Variants in TNXB observed in about 807,000 individuals in gnomAD.
TNXB encodes tenascin-X.
TNXB carries 183 observed loss-of-function variants against 340.5 expected under a neutral mutation model. The observed-to-expected ratio is 0.54, with a 90% CI of 0.48 to 0.61. The LOEUF is 0.61. Among genes scored for constraint, TNXB ranks in the 20% least tolerant of loss-of-function variants. The pLI is 0.00. For missense variants in TNXB, 4,613 were observed against 5,446.4 expected (o/e 0.85, Z 4.82); for synonymous variants, 2,121 against 2,314.5 (o/e 0.92, Z 2.40).
Position 32,052,461 on chromosome 6 carries a change from A to AAAAG in TNXB, c.9115+205_9115+208dup, listed in dbSNP as rs925796794. ...GCGAGACTCTATCTCAAAAAAAAAA[A>AAAAG]AAAGAAAGAAAGAAAAAGAAAGAAA... On this transcript the variant is annotated intron_variant, in intron 26 of 43. Coordinates refer to ENST00000644971, the MANE Select transcript of TNXB (RefSeq NM_001365276.2). This position sits in a 1 kb window ranked among gnomAD's most constrained non-coding sequence, Gnocchi z 4.7. 6.6e-6 allele frequency among the ~76,000 whole-genome samples: 1 copy of AAAAG among 151,964 alleles called. No homozygotes were observed. The highest frequency in any genetic ancestry group is 6.6e-5 in the Admixed American group (1 of 15,252).
intron 1 of TNXB, among the ~76,000 whole-genome samples, chr6:32,106,971 A>T (rs1781014654): frequency 6.6e-6 from 1 of 152,236 alleles, no homozygotes; most frequent in African/African-American, 2.4e-5. Flanking sequence ...GTAGGTACAC[A>T]TATGGGTGCC....
chr6:32,069,593 G>A lies in TNXB; in HGVS notation c.5547C>T (p.His1849=), dbSNP rs761764903. The A allele has an allele frequency of 6.3e-6, 10 of 1,595,364 alleles. No homozygotes were observed. The highest frequency in any genetic ancestry group is 1.7e-4 in the Middle Eastern group (1 of 6,012). Residue 1849 remains histidine, a synonymous_variant, in exon 15 of 44, where the codon CAC becomes CAT. Coordinates refer to ENST00000644971, the MANE Select transcript of TNXB (RefSeq NM_001365276.2). The surrounding 1 kb of genome is among the most constrained non-coding windows in gnomAD (Gnocchi z 6.2). The stretch of plus-strand genomic sequence containing the variant: ...CCGAGATGGGGCCCACACGCTTGCC[G>A]TGGTGCAGCCCGTAGAGCAGCAGCT... ...RYKLLLYGLH[H]GKRVGPISAV...
rs771400301 is a variant in TNXB at position 32,095,763 on chromosome 6, A to G, written c.2090T>C (p.Leu697Pro). The change falls in exon 3 of 44, where the codon CTG (leucine) becomes CCG (proline). Residue 697 changes from leucine to proline, a missense_variant. By Grantham distance (98) the Leu-to-Pro change is moderately conservative. Coordinates refer to ENST00000644971, the MANE Select transcript of TNXB (RefSeq NM_001365276.2). The part of the protein sequence containing the change: ...ACPGGCGPRE[L>P]CRAGQCVCVE... ...ACACACACACTGGCCTGCCCGGCAC[A>G]GTTCCCGGGGCCCGCAGCCTCCAGG... The G allele has an allele frequency of 1.2e-5, 20 of 1,613,746 alleles. No homozygotes were observed. The East Asian group carries it at 3.3e-4, about 27-fold the overall frequency.
rs770324675 is a variant in TNXB at position 32,083,096 on chromosome 6, G to GGC, written c.3446-772_3446-771dup. 1.3e-5 allele frequency among the ~76,000 whole-genome samples: 2 copies of GGC among 152,096 alleles called. No homozygotes were observed. Among genetic ancestry groups the GGC allele is most frequent in the Admixed American group, 6.5e-5 (1 of 15,280 alleles). On this transcript the variant is annotated intron_variant, in intron 8 of 43. Coordinates refer to ENST00000644971, the MANE Select transcript of TNXB (RefSeq NM_001365276.2). This position sits in a 1 kb window ranked among gnomAD's most constrained non-coding sequence, Gnocchi z 4.6. ...AGCAGCTCTCATGCAGGCCAGGGGT[G>GGC]GCCTTGCCATTGCTAAATTCTGTGG...
In TNXB at chr6:32,048,526, T is replaced by G; in HGVS notation, c.9882A>C (p.Val3294=). The change falls in exon 29 of 44, where the codon GTA becomes GTC. Residue 3294 remains valine, a synonymous_variant. Coordinates refer to ENST00000644971, the MANE Select transcript of TNXB (RefSeq NM_001365276.2). ...GCTGCCCCTGCGCGTCCCTGTACTGTACCAGGAAGGAGTCAAAGGGGCCCT... is the reference window on the plus strand; with the variant it reads ...GCTGCCCCTGCGCGTCCCTGTACTGGACCAGGAAGGAGTCAAAGGGGCCCT... ...VAQGPFDSFL[V]QYRDAQGQPQ... is the part of the protein sequence containing the mutation. 1 of 1,572,928 alleles carries G rather than the reference T, an allele frequency of 6.4e-7. No individual in the cohort carries two copies. Among genetic ancestry groups the G allele is most frequent in the Admixed American group, 1.7e-5 (1 of 57,698 alleles).
chr6:32,061,674 G>A lies in TNXB; in HGVS notation c.7215C>T (p.Ala2405=). 2 of 1,612,682 alleles carry A rather than the reference G, an allele frequency of 1.2e-6. No homozygotes were observed. The highest frequency in any genetic ancestry group is 1.7e-6 in the Non-Finnish European group (2 of 1,179,804). The change falls in exon 21 of 44, where the codon GCC becomes GCT. Residue 2405 remains alanine (A), a synonymous_variant. Transcript: ENST00000644971. The surrounding 1 kb of genome is among the most constrained non-coding windows in gnomAD (Gnocchi z 4.4). ...GGAGCGGCTCCTCAGGGGGCTCCGGGGCCTCCATGCTGGGTTCTGTGGGGC... is the reference window on the plus strand; with the variant it reads ...GGAGCGGCTCCTCAGGGGGCTCCGGAGCCTCCATGCTGGGTTCTGTGGGGC... The part of the protein sequence containing the change: ...TPSPTEPSME[A]PEPPEEPLLG...
chr6:32,062,860 C>A lies in TNXB; in HGVS notation c.6842-377G>T, dbSNP rs1056814518. 6.7e-6 allele frequency among the ~76,000 whole-genome samples: 1 copy of A among 149,148 alleles called. No individual in the cohort carries two copies. The highest frequency in any genetic ancestry group is 1.5e-5 in the Non-Finnish European group (1 of 67,470). ...CATGAGGTCAGGAGATTGAGACCAT[C>A]CTGGCTAACACTGTGAAACCCCGTC... On this transcript the variant is annotated intron_variant, in intron 19 of 43. Coordinates refer to ENST00000644971, the MANE Select transcript of TNXB (RefSeq NM_001365276.2). This position sits in a 1 kb window ranked among gnomAD's most constrained non-coding sequence, Gnocchi z 4.3.
At position 32,043,427 on chromosome 6, in the gene TNXB, G is replaced by C. The variant is rs2734313; in HGVS notation, c.11650+10C>G. ...AACAAGTCCCCTCCAGAGGCCTCAG[G>C]CCTGCTCACCCCCAGGGGCTGTGAC... On this transcript the variant is annotated intron_variant, in intron 36 of 43. Coordinates refer to ENST00000644971, the MANE Select transcript of TNXB (RefSeq NM_001365276.2). The C allele has an allele frequency of 0.45, 234,554 of 520,782 alleles. 54,348 individuals carry two copies. The highest frequency in any genetic ancestry group is 0.56 in the Admixed American group (17,845 of 31,668). The allele number at this position is 520,782 out of a possible 1,614,324, so 32.3% of individuals were successfully genotyped here.
Position 32,073,801 on chromosome 6 carries a change from C to T in TNXB, c.4527G>A (p.Lys1509=), listed in dbSNP as rs1353844534. The change falls in exon 12 of 44, where the codon AAG becomes AAA. Residue 1509 remains lysine, a synonymous_variant. Transcript: ENST00000644971. The surrounding 1 kb of genome is among the most constrained non-coding windows in gnomAD (Gnocchi z 4.6). ...CCACCTGGGGCTGCCCGTCCTTGTC[C>T]TTGTACTGGACTATGAAGGAGTCAA... The part of the protein sequence containing the change: ...GQFDSFIVQY[K]DKDGQPQVVP... 6.2e-7 allele frequency: 1 copy of T among 1,612,906 alleles called. No individual in the cohort carries two copies. The highest frequency in any genetic ancestry group is 1.7e-5 in the Admixed American group (1 of 59,928).
intron 4 of TNXB, among the ~76,000 whole-genome samples, chr6:32,094,249 A>C (rs1448993747): frequency 6.6e-6 from 1 of 152,040 alleles, no homozygotes; most frequent in Non-Finnish European, 1.5e-5. Context: ...CAAACCAAAA[A>C]AGATAACATT....
At position 32,079,440 on chromosome 6, in the gene TNXB, C is replaced by A. The variant is rs1013971267; in HGVS notation, c.4043-75G>T. 2.3e-5 allele frequency: 29 copies of A among 1,264,476 alleles called. No homozygotes were observed. Among genetic ancestry groups the A allele is most frequent in the Non-Finnish European group, 3.1e-5 (28 of 916,744 alleles). 78.3% of individuals were successfully genotyped at this position (1,264,476 alleles called of 1,614,324 possible). A position where few individuals can be genotyped will look rare whatever the true frequency, so the allele number is the denominator to read the frequency against. On this transcript the variant is annotated intron_variant, in intron 10 of 43. Coordinates refer to ENST00000644971, the MANE Select transcript of TNXB (RefSeq NM_001365276.2). The surrounding 1 kb of genome is among the most constrained non-coding windows in gnomAD (Gnocchi z 7.1). ...CCCACAGATGACAGCCATGGAAATGCCCTTACGCTGTGGGCTCAGGGGCTC... is the reference window on the plus strand; with the variant it reads ...CCCACAGATGACAGCCATGGAAATGACCTTACGCTGTGGGCTCAGGGGCTC...
rs1414849941 is a variant in TNXB at position 32,089,720 on chromosome 6, A to AGT, written c.2359-343_2359-342dup. Among the ~76,000 whole-genome samples the AGT allele has an allele frequency of 6.6e-6, 1 of 152,160 alleles. No homozygotes were observed. Among genetic ancestry groups the AGT allele is most frequent in the African/African-American group, 2.4e-5 (1 of 41,434 alleles). On this transcript the variant is annotated intron_variant, in intron 4 of 43. Transcript: ENST00000644971. This position sits in a 1 kb window ranked among gnomAD's most constrained non-coding sequence, Gnocchi z 6.2. ...AAATGGCAAGAATTTAGGCCCTAGC[A>AGT]GTGTGATCCCAGAGTCCCCTCTCAT...
chr6:32,067,382 A>G lies in TNXB; in HGVS notation c.6544+279T>C, dbSNP rs1778436193. On this transcript the variant is annotated intron_variant, in intron 18 of 43. Coordinates refer to ENST00000644971, the MANE Select transcript of TNXB (RefSeq NM_001365276.2). This position sits in a 1 kb window ranked among gnomAD's most constrained non-coding sequence, Gnocchi z 4.2. Reference sequence around the variant, plus strand: ...AAAAATGTGTTCCAATCTCACAAAAAGAGTTATGTATAGAGTTCCAAGGAA... The same window carrying G: ...AAAAATGTGTTCCAATCTCACAAAAGGAGTTATGTATAGAGTTCCAAGGAA... Among the ~76,000 whole-genome samples the G allele has an allele frequency of 6.8e-6, 1 of 146,218 alleles. No homozygotes were observed. The highest frequency in any genetic ancestry group is 1.5e-5 in the Non-Finnish European group (1 of 67,984).
Position 32,089,390 on chromosome 6 carries a change from G to A in TNXB, c.2359-11C>T. 6.2e-7 allele frequency: 1 copy of A among 1,601,608 alleles called. No homozygotes were observed. The stretch of plus-strand genomic sequence containing the variant: ...GCTCGCCCCCTCTGTCTGTGAGAGA[G>A]AGCACCAGGTGGCTCAGGGGCTGGC... On this transcript the variant is annotated splice_polypyrimidine_tract_variant and intron_variant, in intron 4 of 43. Transcript: ENST00000644971. This position sits in a 1 kb window ranked among gnomAD's most constrained non-coding sequence, Gnocchi z 6.2.
rs760731362 is a variant in TNXB at position 32,068,854 on chromosome 6, T to C, written c.5870A>G (p.His1957Arg). The part of the protein sequence containing the change: ...VTLYGFSDGK[H>R]VGPVHVEALT... ...GGCCTCGACATGGACAGGACCTACA[T>C]GCTTCCCATCACTGAAACCATACAG... Residue 1957 changes from histidine to arginine, a missense_variant, in exon 16 of 44, where the codon CAT becomes CGT. Transcript: ENST00000644971. This position sits in a 1 kb window ranked among gnomAD's most constrained non-coding sequence, Gnocchi z 5.3. The C allele has an allele frequency of 4.4e-5, 71 of 1,611,356 alleles. No individual in the cohort carries two copies. The African/African-American group carries it at 5.7e-4, about 13-fold the overall frequency.
In TNXB at chr6:32,069,636, T is replaced by C; in HGVS notation, c.5504A>G (p.Asp1835Gly). 1 of 1,612,682 alleles carries C rather than the reference T, an allele frequency of 6.2e-7. No individual in the cohort carries two copies. Among genetic ancestry groups the C allele is most frequent in the Non-Finnish European group, 8.5e-7 (1 of 1,179,492 alleles). ...CAGCAGCTTGTACCTGTGGGCAGGG[T>C]CCAGGCCCGGCACGCTGACCTCCCT... ...SLREVSVPGL[D>G]PAHRYKLLLY... Residue 1835 changes from aspartate (D) to glycine (G), a missense_variant, in exon 15 of 44, where the codon GAC becomes GGC. Asp to Gly is a moderately conservative substitution (Grantham distance 94). Coordinates refer to ENST00000644971, the MANE Select transcript of TNXB (RefSeq NM_001365276.2). This position sits in a 1 kb window ranked among gnomAD's most constrained non-coding sequence, Gnocchi z 6.2.
Position 32,079,097 on chromosome 6 carries a change from C to T in TNXB, c.4311G>A (p.Lys1437=). 1 of 1,613,778 alleles carries T rather than the reference C, an allele frequency of 6.2e-7. No individual in the cohort carries two copies. ...VGGLEPGHKY[K]MHLYGLHEGQ... The stretch of plus-strand genomic sequence containing the variant: ...CCTCGTGGAGGCCGTACAGGTGCAT[C>T]TTGTACTTGTGCCCGGGCTCTAGGC... The change falls in exon 11 of 44, where the codon AAG becomes AAA. Residue 1437 remains lysine, a synonymous_variant. Coordinates refer to ENST00000644971, the MANE Select transcript of TNXB (RefSeq NM_001365276.2). This position sits in a 1 kb window ranked among gnomAD's most constrained non-coding sequence, Gnocchi z 7.1.
rs204881 is a variant in TNXB at position 32,072,827 on chromosome 6, C to T, written c.4682-529G>A. Among the ~76,000 whole-genome samples the T allele has an allele frequency of 0.098, 14,935 of 152,076 alleles. 858 individuals are homozygous for T. The highest frequency in any genetic ancestry group is 0.15 in the South Asian group (727 of 4,816). Reference sequence around the variant, plus strand: ...TTAGCTGGGTGTGGTGGCACGTGCCCGTAATCCCAGTTACTCGGGAGGCTG... The same window carrying T: ...TTAGCTGGGTGTGGTGGCACGTGCCTGTAATCCCAGTTACTCGGGAGGCTG... On this transcript the variant is annotated intron_variant, in intron 12 of 43. Coordinates refer to ENST00000644971, the MANE Select transcript of TNXB (RefSeq NM_001365276.2). This position sits in a 1 kb window ranked among gnomAD's most constrained non-coding sequence, Gnocchi z 4.4.
At position 32,096,158 on chromosome 6, in the gene TNXB, G is replaced by C. The variant is rs1780334225; in HGVS notation, c.1695C>G (p.Gly565=). The C allele has an allele frequency of 6.3e-7, 1 of 1,582,468 alleles. No homozygotes were observed. The highest frequency in any genetic ancestry group is 1.3e-5 in the African/African-American group (1 of 74,178). The change falls in exon 3 of 44, where the codon GGC becomes GGG. Residue 565 remains glycine (G), a synonymous_variant. Transcript: ENST00000644971. The part of the protein sequence containing the change: ...STRSCPGGCR[G]RGQCLDGRCV... The stretch of plus-strand genomic sequence containing the variant: ...ACCGCCCATCTAGGCACTGGCCGCG[G>C]CCTCGGCAGCCCCCGGGGCAGCTGC...
Sources: gnomAD v4.1 joint callset for allele counts (sites outside exome capture counted in the v4.1 genomes callset) on GRCh38, gnomAD v4.1.1 for gene constraint, Gnocchi (gnomAD v3.1) non-coding constraint, MANE v1.5 for transcripts, NCBI Gene and HGNC (gene_info 2026-07-23, HGNC 2026-07-21) for gene names.